Variants in RPL26L1 observed in about 807,000 individuals in gnomAD.
The protein encoded by RPL26L1 is ribosomal protein L26 like 1.
In RPL26L1, 8 loss-of-function variants were observed where a neutral mutation model predicts 15.2. The observed-to-expected ratio is 0.53, with a 90% CI of 0.31 to 0.95. The LOEUF is 0.95. Ranked by LOEUF, RPL26L1 falls within the 40% of genes least tolerant of loss-of-function variation. The probability of loss-of-function intolerance (pLI) is 0.05; values close to 1 mark genes in which losing one functional copy is unlikely to be tolerated. For missense variants in RPL26L1, 146 were observed against 190.9 expected (o/e 0.76, Z 1.39); for synonymous variants, 51 against 65.9 (o/e 0.77, Z 1.09).
chr5:172,955,980 G>A (rs374307082), upstream of RPL26L1: 1 of 152,226 alleles, frequency 6.6e-6, no homozygotes, highest in South Asian at 2.1e-4. Flanking sequence ...AATAGGGGTG[G>A]TCAGAGCAGG....
Position 172,959,471 on chromosome 5 carries a change from G to C in RPL26L1, c.-10+3G>C, listed in dbSNP as rs1755130894. Reference sequence around the variant, plus strand: ...GGTCTGAGGCAGCTAGTAGCCGGGTGAGTGGAGGCTGGAGTTTTCTCGGAC... The same window carrying C: ...GGTCTGAGGCAGCTAGTAGCCGGGTCAGTGGAGGCTGGAGTTTTCTCGGAC... On this transcript the variant is annotated splice_donor_region_variant and intron_variant, in intron 1 of 3. Coordinates refer to ENST00000265100, the MANE Select transcript of RPL26L1 (RefSeq NM_016093.4). 17 of 1,018,916 alleles carry C rather than the reference G, an allele frequency of 1.7e-5. No individual in the cohort carries two copies. The highest frequency in any genetic ancestry group is 2.0e-5 in the Non-Finnish European group (17 of 846,986). The allele number at this position is 1,018,916 out of a possible 1,614,324, so 63.1% of individuals were successfully genotyped here.
chr5:172,968,620 G>T, intron 3 of RPL26L1, 21 bp downstream of exon 3: 1 of 1,613,614 alleles, frequency 6.2e-7, no homozygotes, highest in Non-Finnish European at 8.5e-7. Flanking sequence ...GGACTGAGTG[G>T]CAGTAGCAGC....
upstream of RPL26L1, chr5:172,956,938 GAA>G (rs552172463): frequency 3.4e-3 from 744 of 220,700 alleles, no homozygotes; most frequent in Middle Eastern, 9.4e-3. Context: ...ACTCTATCTC[GAA>G]AAAAAAAAAA....
upstream of RPL26L1, chr5:172,954,975 C>T (rs200987651): frequency 2.2e-6 from 1 of 449,240 alleles, no homozygotes; most frequent in East Asian, 7.3e-5. Context: ...TGGGAAGTTG[C>T]GGAAGAGGCG....
In RPL26L1 at chr5:172,964,284, T is replaced by C. The variant is rs1418334078; in HGVS notation, c.169-4175T>C. On this transcript the variant is annotated intron_variant, in intron 2 of 3. Transcript: ENST00000265100. ...GCCACAGTGTCTGGCCTGTTGCCTTTTTTTTTTTTTTTTTTTTTGAGACAG... is the reference window on the plus strand; with the variant it reads ...GCCACAGTGTCTGGCCTGTTGCCTTCTTTTTTTTTTTTTTTTTTGAGACAG... Among the ~76,000 whole-genome samples, 6 of 130,982 alleles carry C rather than the reference T, an allele frequency of 4.6e-5. 1 individual carries two copies. In the South Asian group the frequency reaches 1.0e-3, roughly 23 times the overall value. 85.9% of individuals were successfully genotyped at this position (130,982 alleles called of 152,430 possible). A position where few individuals can be genotyped will look rare whatever the true frequency, so the allele number is the denominator to read the frequency against.
At chr5:172,967,467 AAAAT>A (rs568434838) in intron 2 of RPL26L1, among the ~76,000 whole-genome samples, 44 of 151,952 alleles carry the variant, frequency 2.9e-4, no homozygotes, top group Non-Finnish European at 1.9e-4. Context: ...CTCCGTGTCA[AAAAT>A]AAATAAATAA....
At chr5:172,968,624 T>A in intron 3 of RPL26L1, 25 bp downstream of exon 3, 1 of 1,613,610 alleles carries the variant, frequency 6.2e-7, no homozygotes, top group East Asian at 2.2e-5. Flanking sequence ...TGAGTGGCAG[T>A]AGCAGCCATG....
intron 1 of RPL26L1, 71 bp from the exon 2 acceptor site, chr5:172,959,794 T>A: frequency 6.6e-7 from 1 of 1,513,924 alleles, no homozygotes; most frequent in East Asian, 2.3e-5. Flanking sequence ...ATGAGGAGTG[T>A]CTTGGGTCGA....
At chr5:172,963,087 T>C (rs900909676) in intron 2 of RPL26L1, among the ~76,000 whole-genome samples, 2 of 151,688 alleles carry the variant, frequency 1.3e-5, no homozygotes, top group Admixed American at 1.3e-4. Context: ...TTATAAAATC[T>C]AAAATCATGG....
At position 172,966,585 on chromosome 5, in the gene RPL26L1, G is replaced by C. The variant is rs745625467; in HGVS notation, c.169-1874G>C. ...TTGAGACCAGCCTGGGCAGCATAGT[G>C]AAACCCTGTCTCTTAAAAAAAGTGT... is the stretch of plus-strand genomic sequence containing the variant. On this transcript the variant is annotated intron_variant, in intron 2 of 3. Coordinates refer to ENST00000265100, the MANE Select transcript of RPL26L1 (RefSeq NM_016093.4). 8.6e-5 allele frequency among the ~76,000 whole-genome samples: 13 copies of C among 151,980 alleles called. 1 individual carries two copies. In the South Asian group the frequency reaches 2.5e-3, roughly 29 times the overall value.
chr5:172,955,262 G>A (rs1764334329), upstream of RPL26L1: 2 of 314,426 alleles, frequency 6.4e-6, no homozygotes, highest in African/African-American at 2.2e-5. Flanking sequence ...CTGAGTAGCT[G>A]AGATTACAGG....
upstream of RPL26L1, chr5:172,955,174 G>A (rs977266653): frequency 2.0e-5 from 7 of 355,328 alleles, no homozygotes; most frequent in African/African-American, 1.6e-4. Context: ...CATTGCCCAG[G>A]CTGGAGTGCA....
upstream of RPL26L1, chr5:172,958,258 C>CT (rs1561753174): frequency 2.9e-6 from 1 of 350,394 alleles, no homozygotes; most frequent in Non-Finnish European, 5.5e-6. Context: ...GAGCGAAACT[C>CT]TATCTCAAAA....
At chr5:172,957,327 C>T (rs1212845540), upstream of RPL26L1, 1 of 452,708 alleles carries the variant, frequency 2.2e-6, no homozygotes, top group East Asian at 7.0e-5. Context: ...ATGTTAAAAA[C>T]AAAACAAAAC....
At chr5:172,959,297 G>A (rs933662145), upstream of RPL26L1, 4 of 885,576 alleles carry the variant, frequency 4.5e-6, no homozygotes, top group South Asian at 9.5e-5. Context: ...CACTGGCATC[G>A]CCCTCCCGGG....
At chr5:172,956,344 A>T (rs948641862), upstream of RPL26L1, among the ~76,000 whole-genome samples, 3 of 152,262 alleles carry the variant, frequency 2.0e-5, no homozygotes, top group Non-Finnish European at 4.4e-5. Context: ...GGATCGCATT[A>T]TTATCTTTAT....
chr5:172,968,367 T>C, intron 2 of RPL26L1, 92 bp from the exon 3 acceptor site: 2 of 1,484,744 alleles, frequency 1.3e-6, no homozygotes, highest in South Asian at 1.3e-5. Flanking sequence ...GACAAAGTTA[T>C]ATGTTTAGCC....
At chr5:172,956,566 T>C (rs146979567), upstream of RPL26L1, among the ~76,000 whole-genome samples, 164 of 152,290 alleles carry the variant, frequency 1.1e-3, no homozygotes, top group African/African-American at 3.7e-3. Flanking sequence ...GCCATTATTA[T>C]CCATCTAATA....
intron 2 of RPL26L1, among the ~76,000 whole-genome samples, chr5:172,964,491 G>A (rs1022960434): frequency 5.3e-5 from 8 of 151,792 alleles, no homozygotes; most frequent in Non-Finnish European, 1.2e-4. Flanking sequence ...TTACCATGTT[G>A]GTCAGTCTGG....
Sources: gnomAD v4.1 joint callset for allele counts (sites outside exome capture counted in the v4.1 genomes callset) on GRCh38, gnomAD v4.1.1 for gene constraint, MANE v1.5 for transcripts, NCBI Gene and HGNC (gene_info 2026-07-23, HGNC 2026-07-21) for gene names.